Variants in PTPRB observed in about 807,000 individuals in gnomAD.
PTPRB encodes protein tyrosine phosphatase receptor type B.
In PTPRB, 97 loss-of-function variants were observed where a neutral mutation model predicts 238.1. The observed-to-expected ratio is 0.41, with a 90% confidence interval of 0.35 to 0.48. The LOEUF (loss-of-function observed/expected upper bound fraction) is 0.48. Among genes scored for constraint, PTPRB ranks in the 20% least tolerant of loss-of-function variants. The pLI is 0.30. For missense variants in PTPRB, 2,292 were observed against 2,681.9 expected, an observed-to-expected ratio of 0.85 and a Z score of 3.21; for synonymous variants, 970 against 995.4, an observed-to-expected ratio of 0.97 and a Z score of 0.48.
At chr12:70,576,868 C>T (rs1242605145) in intron 10 of PTPRB, among the ~76,000 whole-genome samples, 6 of 152,124 alleles carry the variant, frequency 3.9e-5, no homozygotes, top group Non-Finnish European at 8.8e-5. Flanking sequence ...TAAAAATGTC[C>T]GGAGGCCTTT....
At chr12:70,534,723 G>A in intron 30 of PTPRB, 72 bp from the exon 31 acceptor site, 2 of 1,598,166 alleles carry the variant, frequency 1.3e-6, no homozygotes, top group Non-Finnish European at 1.7e-6. Flanking sequence ...GCTGAGCCAT[G>A]GAGCAACTCC....
chr12:70,618,255 A>G lies in PTPRB; in HGVS notation c.708+4135T>C, dbSNP rs973636805. ...GCTGGGATCACAGGCACGCACCACC[A>G]TATCTGGGTAATTTTTAATTTTTTT... On this transcript the variant is annotated intron_variant, in intron 3 of 33. Coordinates refer to ENST00000334414, the MANE Select transcript of PTPRB (RefSeq NM_001109754.4). 8.5e-5 allele frequency among the ~76,000 whole-genome samples: 13 copies of G among 152,152 alleles called. No individual in the cohort carries two copies. In the South Asian group the frequency reaches 2.7e-3, roughly 32 times the overall value.
rs774177347 is a variant in PTPRB, at chr12:70,592,253, C to T, written c.1780+29G>A. The T allele has an allele frequency of 2.5e-6, 4 of 1,613,680 alleles. No individual in the cohort carries two copies. The African/African-American group carries it at 5.3e-5, about 22-fold the overall frequency. On this transcript the variant is annotated intron_variant, in intron 7 of 33. Coordinates refer to ENST00000334414, the MANE Select transcript of PTPRB (RefSeq NM_001109754.4). ...TGGATCAGAGAGTGATTTGAGCAACCAAGGAACATTCTGGAGCCCAAGACT... is the reference window on the plus strand; with the variant it reads ...TGGATCAGAGAGTGATTTGAGCAACTAAGGAACATTCTGGAGCCCAAGACT...
At position 70,536,152 on chromosome 12, in the gene PTPRB, T is replaced by C. The variant is rs199503832; in HGVS notation, c.5954A>G (p.Asn1985Ser). The stretch of plus-strand genomic sequence containing the variant: ...AGTGACAATGTATTCTCTTCTGAAG[T>C]TGTTGCCCTGCAATGAATTTACAAT... ...YINASYIPGN[N>S]FRREYIVTQG... is the part of the protein sequence containing the mutation. Residue 1985 changes from asparagine (N) to serine (S), a missense_variant, in exon 29 of 34, where the codon AAC becomes AGC. Asn to Ser is a conservative substitution (Grantham distance 46, BLOSUM62 1). Around this residue, in one of 4 missense-constraint regions of PTPRB, gnomAD observed 397 missense variants for 502.0 expected, o/e 0.79. Coordinates refer to ENST00000334414, the MANE Select transcript of PTPRB (RefSeq NM_001109754.4). 1.4e-4 allele frequency: 232 copies of C among 1,613,052 alleles called. No homozygotes were observed. The African/African-American group carries it at 2.3e-3, about 16-fold the overall frequency.
At position 70,563,001 on chromosome 12, in the gene PTPRB, CA is replaced by C; in HGVS notation, c.4010del (p.Leu1337CysfsTer17). 1 of 1,613,928 alleles carries C rather than the reference CA, an allele frequency of 6.2e-7. No homozygotes were observed. Among genetic ancestry groups the C allele is most frequent in the Non-Finnish European group, 8.5e-7 (1 of 1,179,880 alleles). ...EGELSWYNIF[L>X]YNPDGNLQER... Reference sequence around the variant, plus strand: ...CCTGGAGATTCCCATCTGGGTTGTACAAAAAGATGTTGTACCAGCTGAGCTC... The same window carrying C: ...CCTGGAGATTCCCATCTGGGTTGTACAAAAGATGTTGTACCAGCTGAGCTC... On this transcript the variant is annotated frameshift_variant, in exon 16 of 34. Transcript: ENST00000334414. LOFTEE classifies it high-confidence loss of function.
rs1021633872 is a variant in PTPRB at position 70,527,478 on chromosome 12, A to G, written c.6505-2887T>C. Among the ~76,000 whole-genome samples the G allele has an allele frequency of 9.2e-5, 14 of 151,704 alleles. 1 individual carries two copies. The highest frequency in any genetic ancestry group is 1.9e-4 in the Non-Finnish European group (13 of 67,966). On this transcript the variant is annotated intron_variant, in intron 32 of 33. Coordinates refer to ENST00000334414, the MANE Select transcript of PTPRB (RefSeq NM_001109754.4). ...GCCCCAAATGCAACCTGAGGTCCTT[A>G]GTCCTACAACATCTCAGTGTTTCCT...
chr12:70,529,197 G>T (rs910872077), intron 32 of PTPRB, among the ~76,000 whole-genome samples: 2 of 152,108 alleles, frequency 1.3e-5, no homozygotes, highest in Non-Finnish European at 2.9e-5. Flanking sequence ...ACAGAACAGG[G>T]AAAAGATGGA....
chr12:70,581,335 CACTT>C (rs1881371912), intron 9 of PTPRB, 33 bp from the exon 10 acceptor site: 2 of 1,566,332 alleles, frequency 1.3e-6, no homozygotes, highest in African/African-American at 1.4e-5. Flanking sequence ...AAACAAATGA[CACTT>C]AGTCACCTTA....
chr12:70,631,519 G>A (rs1336474397), intron 2 of PTPRB, among the ~76,000 whole-genome samples: 2 of 152,112 alleles, frequency 1.3e-5, no homozygotes, highest in African/African-American at 4.8e-5. Flanking sequence ...ATAGGCATGG[G>A]CAAACACCTC....
At position 70,590,082 on chromosome 12, in the gene PTPRB, C is replaced by T; in HGVS notation, c.1932G>A (p.Lys644=). 2.5e-6 allele frequency: 4 copies of T among 1,613,954 alleles called. No homozygotes were observed. Among genetic ancestry groups the T allele is most frequent in the Non-Finnish European group, 3.4e-6 (4 of 1,179,878 alleles). ...SVVLLNITVG[K]EETQYVMDDT... is the part of the protein sequence containing the mutation. ...CATCCATGACATACTGTGTTTCTTC[C>T]TTTCCCACAGTGATGTTGAGCAGCA... The change falls in exon 8 of 34, where the codon AAG becomes AAA. Residue 644 remains lysine, a synonymous_variant. Transcript: ENST00000334414.
At chr12:70,589,195 TGCAAGACACATTG>T (rs1355321602) in intron 8 of PTPRB, among the ~76,000 whole-genome samples, 1 of 152,224 alleles carries the variant, frequency 6.6e-6, no homozygotes, top group Non-Finnish European at 1.5e-5. Context: ...AGGAGATTAC[TGCAAGACACATTG>T]GCAAGCTAAG....
chr12:70,552,295 C>A (rs1369630401), intron 21 of PTPRB, among the ~76,000 whole-genome samples: 1 of 151,948 alleles, frequency 6.6e-6, no homozygotes, highest in Admixed American at 6.6e-5. Context: ...ACCAGCCTGG[C>A]CAACATGGTG....
chr12:70,541,190 G>A, intron 22 of PTPRB: 1 of 419,302 alleles, frequency 2.4e-6, no homozygotes, highest in Non-Finnish European at 4.2e-6. Context: ...GCATACTTTT[G>A]AAGTTAATGT....
intron 20 of PTPRB, among the ~76,000 whole-genome samples, chr12:70,554,808 C>T (rs960763245): frequency 3.3e-5 from 5 of 152,080 alleles, no homozygotes; most frequent in Non-Finnish European, 5.9e-5. Context: ...ACAAGACTGA[C>T]CCAATAATGA....
chr12:70,592,204 G>C, intron 7 of PTPRB, 78 bp downstream of exon 7: 9 of 1,585,208 alleles, frequency 5.7e-6, no homozygotes, highest in Non-Finnish European at 6.9e-6. Context: ...TTTTCCTGCT[G>C]ACTTATTTTG....
chr12:70,522,171 G>A (rs1388787881), intron 33 of PTPRB, among the ~76,000 whole-genome samples: 1 of 152,156 alleles, frequency 6.6e-6, no homozygotes, highest in Non-Finnish European at 1.5e-5. Flanking sequence ...TAAGTAAAAG[G>A]TTAGGAGACA....
At chr12:70,551,972 A>G (rs1287583468) in intron 21 of PTPRB, among the ~76,000 whole-genome samples, 1 of 152,142 alleles carries the variant, frequency 6.6e-6, no homozygotes, top group African/African-American at 2.4e-5. Context: ...GGGTGTTCCC[A>G]TTCATTCAGG....
At position 70,536,257 on chromosome 12, in the gene PTPRB, C is replaced by T. The variant is rs1392107532; in HGVS notation, c.5947-98G>A. ...GATTAGATGATAGGGAGGTCTCTGCCAAGTCTCTGACTTCAGAAAAAGATA... is the reference window on the plus strand; with the variant it reads ...GATTAGATGATAGGGAGGTCTCTGCTAAGTCTCTGACTTCAGAAAAAGATA... On this transcript the variant is annotated intron_variant, in intron 28 of 33. Coordinates refer to ENST00000334414, the MANE Select transcript of PTPRB (RefSeq NM_001109754.4). 4.4e-6 allele frequency: 6 copies of T among 1,364,484 alleles called. No homozygotes were observed. In the African/African-American group the frequency reaches 5.8e-5, roughly 13 times the overall value. The allele number at this position is 1,364,484 out of a possible 1,614,324, so 84.5% of individuals were successfully genotyped here. A position where few individuals can be genotyped will look rare whatever the true frequency, so the allele number is the denominator to read the frequency against.
intron 8 of PTPRB, among the ~76,000 whole-genome samples, chr12:70,589,143 G>A (rs1441464533): frequency 2.0e-5 from 3 of 152,110 alleles, no homozygotes; most frequent in Non-Finnish European, 4.4e-5. Flanking sequence ...AGCTCTGTAG[G>A]TCTTTGATCA....
Sources: allele counts gnomAD v4.1 joint callset (sites outside exome capture counted in the v4.1 genomes callset), GRCh38; gene constraint gnomAD v4.1.1; regional missense constraint gnomAD v4.1.1; transcripts MANE v1.5; gene names NCBI Gene and HGNC (gene_info 2026-07-23, HGNC 2026-07-21).